CAMSAP2: variants seen among roughly 807,000 people sequenced by gnomAD.
CAMSAP2 encodes the protein calmodulin-regulated spectrin-associated protein 2.
In CAMSAP2, 26 loss-of-function variants were observed where a neutral mutation model predicts 146.1. The observed-to-expected ratio is 0.18, with a 90% CI of 0.13 to 0.25. The LOEUF is 0.25. Among genes scored for constraint, CAMSAP2 ranks in the 10% least tolerant of loss-of-function variants. The pLI is 1.00. For missense variants in CAMSAP2, 1,381 were observed against 1,759.3 expected (o/e 0.78, Z 3.85); for synonymous variants, 499 against 596.6 (o/e 0.84, Z 2.38).
chr1:200,814,498 TACTC>T (rs776284254), intron 3 of CAMSAP2, among the ~76,000 whole-genome samples: 65 of 151,020 alleles, frequency 4.3e-4, no homozygotes, highest in Admixed American at 7.3e-4. Flanking sequence ...TAATCCCAGT[TACTC>T]AGGAGGTTGA....
intron 1 of CAMSAP2, among the ~76,000 whole-genome samples, chr1:200,744,759 G>A (rs934774347): frequency 2.0e-5 from 3 of 152,166 alleles, no homozygotes; most frequent in African/African-American, 7.2e-5. Context: ...TGAATTGAAA[G>A]TAGGCATGGT....
intron 4 of CAMSAP2, among the ~76,000 whole-genome samples, chr1:200,822,285 C>T (rs1294871972): frequency 1.3e-5 from 2 of 152,096 alleles, no homozygotes; most frequent in African/African-American, 4.8e-5. Context: ...TCCATAACGA[C>T]AGTACAGGTA....
chr1:200,840,270 C>T (rs1667289732), intron 6 of CAMSAP2, among the ~76,000 whole-genome samples: 1 of 152,030 alleles, frequency 6.6e-6, no homozygotes. Flanking sequence ...CTTGATTCTT[C>T]TCTTTTCATC....
Position 200,857,126 on chromosome 1 carries a change from C to T in CAMSAP2, c.4013-180C>T, listed in dbSNP as rs1328354313. Among the ~76,000 whole-genome samples the T allele has an allele frequency of 6.6e-6, 1 of 152,142 alleles. No individual in the cohort carries two copies. The highest frequency in any genetic ancestry group is 1.5e-5 in the Non-Finnish European group (1 of 68,028). ...AAGGCCATAGGAACATCCTCCATAT[C>T]TCTGGGTGGATAAAACAATGTTTTG... is the stretch of plus-strand genomic sequence containing the variant. On this transcript the variant is annotated intron_variant, in intron 15 of 16. Coordinates refer to ENST00000358823, the MANE Select transcript of CAMSAP2 (RefSeq NM_203459.4). The surrounding 1 kb of genome is among the most constrained non-coding windows in gnomAD (Gnocchi z 4.7).
In CAMSAP2 at chr1:200,844,870, G is replaced by A; in HGVS notation, c.1109+1G>A. On this transcript the variant is annotated splice_donor_variant, in intron 8 of 16. Transcript: ENST00000358823. LOFTEE classifies it high-confidence loss of function. ...ATAGTAGTTCTGACTTCCCTTCAAG[G>A]TAAACTCCACAATGACTTTATTTTC... 1 of 1,527,350 alleles carries A rather than the reference G, an allele frequency of 6.5e-7. No homozygotes were observed. The highest frequency in any genetic ancestry group is 8.9e-7 in the Non-Finnish European group (1 of 1,119,496). The allele number at this position is 1,527,350 out of a possible 1,614,324, so 94.6% of individuals were successfully genotyped here. A position where few individuals can be genotyped will look rare whatever the true frequency, so the allele number is the denominator to read the frequency against.
chr1:200,799,303 T>G (rs1283921941), intron 2 of CAMSAP2, among the ~76,000 whole-genome samples: 5 of 146,608 alleles, frequency 3.4e-5, no homozygotes, highest in African/African-American at 5.0e-5. Flanking sequence ...AGTCCTGGGG[T>G]TTTTTTTTTG....
intron 4 of CAMSAP2, among the ~76,000 whole-genome samples, chr1:200,819,381 T>C (rs1206301269): frequency 6.6e-6 from 1 of 152,248 alleles, no homozygotes; most frequent in African/African-American, 2.4e-5. Flanking sequence ...AATTTTTTTA[T>C]AAGTTGCACA....
At chr1:200,824,978 CAAATAAAT>C (rs532222491) in intron 4 of CAMSAP2, among the ~76,000 whole-genome samples, 1 of 151,472 alleles carries the variant, frequency 6.6e-6, no homozygotes. Context: ...GACTCTGTCT[CAAATAAAT>C]AAATAAATAA....
At chr1:200,754,836 C>T (rs1171206974) in intron 1 of CAMSAP2, among the ~76,000 whole-genome samples, 5 of 152,128 alleles carry the variant, frequency 3.3e-5, no homozygotes, top group South Asian at 2.1e-4. Flanking sequence ...CCTGCCTCGG[C>T]CTCCCAAAGT....
chr1:200,858,570 TATG>T lies in CAMSAP2; in HGVS notation c.*515_*517del, dbSNP rs1184978758. 6.5e-6 allele frequency: 1 copy of T among 152,722 alleles called. No homozygotes were observed. Among genetic ancestry groups the T allele is most frequent in the Non-Finnish European group, 1.5e-5 (1 of 67,978 alleles). 9.5% of individuals were successfully genotyped at this position (152,722 alleles called of 1,614,324 possible). On this transcript the variant is annotated 3_prime_UTR_variant, in exon 17 of 17. Coordinates refer to ENST00000358823, the MANE Select transcript of CAMSAP2 (RefSeq NM_203459.4). ...CTTTAGAAGTAACTCGCACCTTTCTTATGATGTTAAGAGAAACACTAGTGTTTA... is the reference window on the plus strand; with the variant it reads ...CTTTAGAAGTAACTCGCACCTTTCTTATGTTAAGAGAAACACTAGTGTTTA...
Position 200,852,649 on chromosome 1 carries a change from G to C in CAMSAP2, c.3574G>C (p.Glu1192Gln). 6.2e-7 allele frequency: 1 copy of C among 1,613,642 alleles called. No homozygotes were observed. The highest frequency in any genetic ancestry group is 8.5e-7 in the Non-Finnish European group (1 of 1,179,878). ...TQLRKQQLEAEMEHKKEETRR... is the reference protein window; with the variant it reads ...TQLRKQQLEAQMEHKKEETRR... ...GCTCCGGAAACAACAGTTGGAAGCA[G>C]AAATGGAGCATAAGAAGGAGGAAAC... is the stretch of plus-strand genomic sequence containing the variant. Residue 1192 changes from glutamate to glutamine, a missense_variant, in exon 12 of 17, where the codon GAA (glutamate) becomes CAA (glutamine). This residue lies in a region of CAMSAP2 where 560 missense variants were observed against 715.9 expected (regional missense o/e 0.78). Transcript: ENST00000358823.
At position 200,851,573 on chromosome 1, in the gene CAMSAP2, A is replaced by G. The variant is rs571686059; in HGVS notation, c.3466-968A>G. Among the ~76,000 whole-genome samples the G allele has an allele frequency of 5.3e-5, 8 of 152,312 alleles. No individual in the cohort carries two copies. The South Asian group carries it at 1.7e-3, about 32-fold the overall frequency. ...AATATATGTAATTTGATAGATGAAG[A>G]CATATGAATGTTTGAACTAATTGCT... On this transcript the variant is annotated intron_variant, in intron 11 of 16. Transcript: ENST00000358823.
intron 4 of CAMSAP2, among the ~76,000 whole-genome samples, chr1:200,826,656 G>GT (rs1389297023): frequency 6.6e-6 from 1 of 152,124 alleles, no homozygotes; most frequent in Non-Finnish European, 1.5e-5. Context: ...TATTTGGAGA[G>GT]TATTAATGGC....
At chr1:200,768,084 T>G (rs937256192) in intron 2 of CAMSAP2, among the ~76,000 whole-genome samples, 27 of 152,236 alleles carry the variant, frequency 1.8e-4, no homozygotes, top group African/African-American at 5.8e-4. Flanking sequence ...GCATTGTCCT[T>G]TGTATTTTCT....
At chr1:200,793,609 C>T (rs765972564) in intron 2 of CAMSAP2, among the ~76,000 whole-genome samples, 4 of 152,104 alleles carry the variant, frequency 2.6e-5, no homozygotes, top group Non-Finnish European at 5.9e-5. Context: ...GAGCTTAAAA[C>T]ACTTGTATCC....
chr1:200,790,392 A>C (rs1280207089), intron 2 of CAMSAP2, among the ~76,000 whole-genome samples: 1 of 152,146 alleles, frequency 6.6e-6, no homozygotes, highest in Non-Finnish European at 1.5e-5. Flanking sequence ...ATTTATTGTG[A>C]GAACCTGTTC....
At chr1:200,771,183 T>A (rs1665106727) in intron 2 of CAMSAP2, among the ~76,000 whole-genome samples, 1 of 152,158 alleles carries the variant, frequency 6.6e-6, no homozygotes, top group Admixed American at 6.5e-5. Flanking sequence ...GGGGATTGTT[T>A]TGCTCACCTG....
intron 2 of CAMSAP2, among the ~76,000 whole-genome samples, chr1:200,802,000 T>C (rs1467958071): frequency 6.6e-6 from 1 of 152,186 alleles, no homozygotes; most frequent in Non-Finnish European, 1.5e-5. Flanking sequence ...ATGGTGGCAA[T>C]AGCAAGATTT....
intron 4 of CAMSAP2, among the ~76,000 whole-genome samples, chr1:200,821,719 G>A (rs1283382518): frequency 6.6e-6 from 1 of 151,890 alleles, no homozygotes. Context: ...TAATTTACTT[G>A]CCCTTACAGG....
Sources: gnomAD v4.1 joint callset for allele counts (sites outside exome capture counted in the v4.1 genomes callset) on GRCh38, gnomAD v4.1.1 for gene constraint, gnomAD v4.1.1 regional missense constraint, Gnocchi (gnomAD v3.1) non-coding constraint, MANE v1.5 for transcripts, NCBI Gene and HGNC (gene_info 2026-07-23, HGNC 2026-07-21) for gene names.